Variants in C19orf25 observed in about 807,000 individuals in gnomAD.
C19orf25 encodes the protein chromosome 19 open reading frame 25.
In C19orf25, 1 loss-of-function variant was observed where a neutral mutation model predicts 3.1. That is an observed-to-expected ratio of 0.32 (90% confidence interval 0.12 to 1.54). The LOEUF (loss-of-function observed/expected upper bound fraction) is 1.54, where lower values mean the gene tolerates loss of function less well. Among genes scored for constraint, C19orf25 ranks in the 40% most tolerant of loss-of-function variants. C19orf25 has a pLI of 0.38. For synonymous variants in C19orf25, 91 were observed against 74.3 expected (o/e 1.23, Z -1.16); for missense variants, 196 against 160.4 (o/e 1.22, Z -1.20).
At chr19:1,476,259 A>T in intron 2 of C19orf25, 1 of 398,722 alleles carries the variant, frequency 2.5e-6, no homozygotes, top group Admixed American at 4.4e-5. Flanking sequence ...CACGTGCCGC[A>T]CGGGTCTGGG....
Position 1,479,195 on chromosome 19 carries a change from G to T in C19orf25, c.-35C>A, listed in dbSNP as rs879649412. 5 of 1,262,562 alleles carry T rather than the reference G, an allele frequency of 4.0e-6. No individual in the cohort carries two copies. Among genetic ancestry groups the T allele is most frequent in the African/African-American group, 1.6e-5 (1 of 63,906 alleles). 78.2% of individuals were successfully genotyped at this position (1,262,562 alleles called of 1,614,324 possible). ...CGGGACCCGAAAGCCCAGCGTCGAC[G>T]ACGCAGCCACTTCCGATTCCGGTCG... On this transcript the variant is annotated 5_prime_UTR_variant, in exon 1 of 3. Transcript: ENST00000585675.
In C19orf25 at chr19:1,476,950, C is replaced by T. The variant is rs2084211225; in HGVS notation, c.131-1692G>A. The stretch of plus-strand genomic sequence containing the variant: ...TCTAATATTACTTTTTAAAAATGTT[C>T]CCTTAGAAATTCACAGTTTCTATCA... On this transcript the variant is annotated intron_variant, in intron 2 of 2. Coordinates refer to ENST00000585675, the MANE Select transcript of C19orf25 (RefSeq NM_152482.3). 2.0e-5 allele frequency among the ~76,000 whole-genome samples: 3 copies of T among 151,470 alleles called. 1 individual carries two copies. The highest frequency in any genetic ancestry group is 2.0e-4 in the Admixed American group (3 of 15,216).
rs1427316625 is a variant in C19orf25 at position 1,474,782 on chromosome 19, T to C, written c.*250A>G. The C allele has an allele frequency of 1.4e-6, 2 of 1,433,510 alleles. No homozygotes were observed. The highest frequency in any genetic ancestry group is 1.8e-6 in the Non-Finnish European group (2 of 1,095,068). 88.8% of individuals were successfully genotyped at this position (1,433,510 alleles called of 1,614,324 possible). ...ACAGAATCACAGTACAGCAATAATG[T>C]CCCTATCCTCTTCCAGAACCCCAGT... On this transcript the variant is annotated 3_prime_UTR_variant, in exon 3 of 3. Coordinates refer to ENST00000585675, the MANE Select transcript of C19orf25 (RefSeq NM_152482.3).
Position 1,479,174 on chromosome 19 carries a change from ACC to A in C19orf25, c.-16_-15del. The A allele has an allele frequency of 7.8e-7, 1 of 1,276,336 alleles. No individual in the cohort carries two copies. Among genetic ancestry groups the A allele is most frequent in the Non-Finnish European group, 9.9e-7 (1 of 1,012,460 alleles). 79.1% of individuals were successfully genotyped at this position (1,276,336 alleles called of 1,614,324 possible). A position where few individuals can be genotyped will look rare whatever the true frequency, so the allele number is the denominator to read the frequency against. On this transcript the variant is annotated 5_prime_UTR_variant, in exon 1 of 3. Transcript: ENST00000585675. Reference sequence around the variant, plus strand: ...CGGCCTCTTCCCACCTGGGCGCGGGACCCGAAAGCCCAGCGTCGACGACGCAG... The same window carrying A: ...CGGCCTCTTCCCACCTGGGCGCGGGACGAAAGCCCAGCGTCGACGACGCAG...
In C19orf25 at chr19:1,475,137, C is replaced by T; in HGVS notation, c.252G>A (p.Arg84=). The T allele has an allele frequency of 6.3e-7, 1 of 1,598,146 alleles. No homozygotes were observed. Among genetic ancestry groups the T allele is most frequent in the East Asian group, 2.3e-5 (1 of 43,968 alleles). The change falls in exon 3 of 3, where the codon AGG becomes AGA. Residue 84 remains arginine, a synonymous_variant. Coordinates refer to ENST00000585675, the MANE Select transcript of C19orf25 (RefSeq NM_152482.3). ...CTCGCTGCAGGAGCTCACACCTCTGCCTCAGCACGTTGCCCGCCTGCTGCA... is the reference window on the plus strand; with the variant it reads ...CTCGCTGCAGGAGCTCACACCTCTGTCTCAGCACGTTGCCCGCCTGCTGCA... ...QRLQQAGNVL[R]QRCELLQRAG...
Position 1,474,847 on chromosome 19 carries a change from G to C in C19orf25, c.*185C>G, listed in dbSNP as rs1163606927. ...ACGCAGGACGGAGCCAGCTGGGTGG[G>C]TCCCACCAACTCGGCATGAATGAGA... is the stretch of plus-strand genomic sequence containing the variant. On this transcript the variant is annotated 3_prime_UTR_variant, in exon 3 of 3. Transcript: ENST00000585675. 2 of 1,472,604 alleles carry C rather than the reference G, an allele frequency of 1.4e-6. No homozygotes were observed. The highest frequency in any genetic ancestry group is 2.3e-5 in the Admixed American group (1 of 43,486). 91.2% of individuals were successfully genotyped at this position (1,472,604 alleles called of 1,614,324 possible). A position where few individuals can be genotyped will look rare whatever the true frequency, so the allele number is the denominator to read the frequency against.
At chr19:1,478,405 T>C in intron 2 of C19orf25, 1 of 449,064 alleles carries the variant, frequency 2.2e-6, no homozygotes, top group Non-Finnish European at 3.7e-6. Flanking sequence ...TATGCCCAGC[T>C]AACTCTGTTT....
chr19:1,476,520 C>G, intron 2 of C19orf25: 1 of 383,522 alleles, frequency 2.6e-6, no homozygotes, highest in East Asian at 3.7e-5. Context: ...TTGACCAGTA[C>G]CGGCCCACAG....
chr19:1,478,956 G>T, intron 1 of C19orf25, 51 bp from the exon 2 acceptor site: 1 of 1,502,280 alleles, frequency 6.7e-7, no homozygotes, highest in South Asian at 1.3e-5. Flanking sequence ...CTCCGCCCTT[G>T]CCCGGGCTGC....
At chr19:1,479,100 G>A in intron 1 of C19orf25, 63 bp downstream of exon 1, 3 of 1,358,030 alleles carry the variant, frequency 2.2e-6, no homozygotes, top group Non-Finnish European at 2.8e-6. Flanking sequence ...CAAGGCTTCA[G>A]GGTCTGGCTC....
intron 2 of C19orf25, chr19:1,478,419 T>G: frequency 2.4e-5 from 9 of 371,082 alleles, no homozygotes; most frequent in South Asian, 8.0e-5. Flanking sequence ...TCTGTTTTGT[T>G]TTTGTTTTTG....
At chr19:1,476,935 CT>C (rs35576172) in intron 2 of C19orf25, among the ~76,000 whole-genome samples, 30,239 of 151,634 alleles carry the variant, frequency 0.2, 3,667 homozygotes, top group East Asian at 0.34. Context: ...TCTAATATTA[CT>C]TTTTAAAAAT....
intron 2 of C19orf25, among the ~76,000 whole-genome samples, chr19:1,477,247 C>A (rs1280689479): frequency 2.0e-5 from 3 of 152,274 alleles, no homozygotes; most frequent in Admixed American, 6.5e-5. Flanking sequence ...AATGATCCGC[C>A]CACCTCAGCC....
chr19:1,475,156 T>C lies in C19orf25; in HGVS notation c.233A>G (p.Gln78Arg). ...CCTCTGCCTCAGCACGTTGCCCGCC[T>C]GCTGCAGCCGCTGGTTGGCAGCCAC... ...AYVAANQRLQ[Q>R]AGNVLRQRCE... The change falls in exon 3 of 3, where the codon CAG (glutamine) becomes CGG (arginine). Residue 78 changes from glutamine to arginine, a missense_variant. Gln to Arg is a conservative substitution (Grantham distance 43). Coordinates refer to ENST00000585675, the MANE Select transcript of C19orf25 (RefSeq NM_152482.3). 6.3e-7 allele frequency: 1 copy of C among 1,585,856 alleles called. No homozygotes were observed. Among genetic ancestry groups the C allele is most frequent in the Middle Eastern group, 1.7e-4 (1 of 6,032 alleles).
At position 1,474,586 on chromosome 19, in the gene C19orf25, T is replaced by A. The variant is rs948656706; in HGVS notation, c.*446A>T. 9.2e-6 allele frequency: 4 copies of A among 432,744 alleles called. No homozygotes were observed. Among genetic ancestry groups the A allele is most frequent in the African/African-American group, 7.9e-5 (4 of 50,528 alleles). 26.8% of individuals were successfully genotyped at this position (432,744 alleles called of 1,614,324 possible). ...TGGGGTCAGGGGCTCAGGCTGGCCC[T>A]CGGGCTGCTCTGACATTGGGTGGGC... On this transcript the variant is annotated 3_prime_UTR_variant, in exon 3 of 3. Transcript: ENST00000585675.
intron 2 of C19orf25, 110 bp from the exon 3 acceptor site, chr19:1,475,368 G>C: frequency 9.0e-7 from 1 of 1,110,988 alleles, no homozygotes. Context: ...GAGTGAGCTT[G>C]CCAGCCGGGG....
At chr19:1,476,775 C>T (rs537740997) in intron 2 of C19orf25, among the ~76,000 whole-genome samples, 2 of 152,160 alleles carry the variant, frequency 1.3e-5, no homozygotes, top group South Asian at 4.1e-4. Flanking sequence ...TGCCACCACA[C>T]CCAGCTAGTT....
chr19:1,477,377 C>T (rs1020029464), intron 2 of C19orf25, among the ~76,000 whole-genome samples: 1 of 152,208 alleles, frequency 6.6e-6, no homozygotes, highest in Non-Finnish European at 1.5e-5. Flanking sequence ...GTTCACTTGT[C>T]CATTAGCAGT....
chr19:1,474,961 C>T lies in C19orf25; in HGVS notation c.*71G>A, dbSNP rs780254559. 1.4e-5 allele frequency: 21 copies of T among 1,531,166 alleles called. No homozygotes were observed. Among genetic ancestry groups the T allele is most frequent in the African/African-American group, 2.7e-5 (2 of 72,916 alleles). 94.8% of individuals were successfully genotyped at this position (1,531,166 alleles called of 1,614,324 possible). A position where few individuals can be genotyped will look rare whatever the true frequency, so the allele number is the denominator to read the frequency against. On this transcript the variant is annotated 3_prime_UTR_variant, in exon 3 of 3. Coordinates refer to ENST00000585675, the MANE Select transcript of C19orf25 (RefSeq NM_152482.3). ...GACCCCGTGAATGCCAGTCTGGGGCCGACGGACCCCCAGGGAAAGCCTGGG... is the reference window on the plus strand; with the variant it reads ...GACCCCGTGAATGCCAGTCTGGGGCTGACGGACCCCCAGGGAAAGCCTGGG...
Sources: allele counts gnomAD v4.1 joint callset (sites outside exome capture counted in the v4.1 genomes callset), GRCh38; gene constraint gnomAD v4.1.1; transcripts MANE v1.5; gene names NCBI Gene and HGNC (gene_info 2026-07-23, HGNC 2026-07-21).